Variants in USP34 observed in about 807,000 individuals in gnomAD.
USP34 encodes the protein ubiquitin specific peptidase 34, also known as ubiquitin carboxyl-terminal hydrolase 34.
A neutral mutation model predicts 460.3 loss-of-function variants in USP34; 70 were observed. That is an observed-to-expected ratio of 0.15 (90% CI 0.13 to 0.19). USP34 has a LOEUF of 0.19. Ranked by LOEUF, USP34 falls within the 10% of genes least tolerant of loss-of-function variation. USP34 has a pLI of 1.00. For missense variants in USP34, 3,985 were observed against 4,236.2 expected (o/e 0.94, Z 1.65); for synonymous variants, 1,647 against 1,405.3 (o/e 1.17, Z -3.85).
Position 61,388,455 on chromosome 2 carries a change from T to TA in USP34, c.754-5120_754-5119insT, listed in dbSNP as rs1325133129. Among the ~76,000 whole-genome samples, 825 of 116,288 alleles carry TA rather than the reference T, an allele frequency of 7.1e-3. 7 individuals carry two copies. Among genetic ancestry groups the TA allele is most frequent in the South Asian group, 0.016 (46 of 2,906 alleles). 76.3% of individuals were successfully genotyped at this position (116,288 alleles called of 152,430 possible). ...AGGGGATGTGGGGGTACAGGGGAGT[T>TA]TAAAAAAAAAAAAAAAAAAGATTGG... On this transcript the variant is annotated intron_variant, in intron 5 of 79. Coordinates refer to ENST00000398571, the MANE Select transcript of USP34 (RefSeq NM_014709.4).
intron 75 of USP34, among the ~76,000 whole-genome samples, chr2:61,195,807 C>T (rs991935321): frequency 1.3e-5 from 2 of 152,178 alleles, no homozygotes; most frequent in African/African-American, 2.4e-5. Flanking sequence ...GAACTAGAGG[C>T]TGCTCTGACA....
At chr2:61,387,649 T>A (rs1384590684) in intron 5 of USP34, among the ~76,000 whole-genome samples, 3 of 147,202 alleles carry the variant, frequency 2.0e-5, no homozygotes, top group Non-Finnish European at 4.5e-5. Flanking sequence ...TATATAAAAA[T>A]ATATATTTTA....
At position 61,286,968 on chromosome 2, in the gene USP34, T is replaced by C. The variant is rs9967714; in HGVS notation, c.4749+1709A>G. ...ATGGAAAGGATCACAATTAGAGCAT[T>C]ATTATAACCTGGAAAGTTTATTCTG... On this transcript the variant is annotated intron_variant, in intron 34 of 79. Coordinates refer to ENST00000398571, the MANE Select transcript of USP34 (RefSeq NM_014709.4). Among the ~76,000 whole-genome samples, 838 of 152,290 alleles carry C rather than the reference T, an allele frequency of 5.5e-3. 8 individuals are homozygous for C. The highest frequency in any genetic ancestry group is 0.019 in the African/African-American group (801 of 41,552).
intron 1 of USP34, among the ~76,000 whole-genome samples, chr2:61,469,565 T>G (rs1344653038): frequency 6.6e-6 from 1 of 152,206 alleles, no homozygotes; most frequent in Non-Finnish European, 1.5e-5. Flanking sequence ...ATTATTGTCT[T>G]TGGTCATTAA....
At chr2:61,405,654 C>G (rs1693849895) in intron 3 of USP34, 54 bp downstream of exon 3, 1 of 1,433,190 alleles carries the variant, frequency 7.0e-7, no homozygotes, top group Admixed American at 2.5e-5. Flanking sequence ...AAGAAACAGA[C>G]TGCGAAGTTA....
At chr2:61,319,562 C>A (rs1690851003) in intron 21 of USP34, among the ~76,000 whole-genome samples, 1 of 150,896 alleles carries the variant, frequency 6.6e-6, no homozygotes, top group African/African-American at 2.4e-5. Flanking sequence ...AGAATCACAG[C>A]AGCCAGGTGA....
At chr2:61,257,941 C>A (rs937032790) in intron 44 of USP34, among the ~76,000 whole-genome samples, 2 of 152,132 alleles carry the variant, frequency 1.3e-5, no homozygotes, top group East Asian at 1.9e-4. Flanking sequence ...AATATACAAC[C>A]TTTACAGGCC....
intron 1 of USP34, among the ~76,000 whole-genome samples, chr2:61,451,219 T>TAAA (rs1695264017): frequency 6.0e-5 from 1 of 16,726 alleles, no homozygotes; most frequent in African/African-American, 4.2e-4. Flanking sequence ...AGGCTTCATC[T>TAAA]CAAAAAAAAA....
chr2:61,302,551 C>G (rs1690262371), intron 27 of USP34, among the ~76,000 whole-genome samples: 1 of 152,148 alleles, frequency 6.6e-6, no homozygotes, highest in African/African-American at 2.4e-5. Context: ...ACGTTCAATC[C>G]TATTTTCTTC....
chr2:61,236,190 G>T lies in USP34; in HGVS notation c.6889C>A (p.Pro2297Thr). 1 of 1,611,880 alleles carries T rather than the reference G, an allele frequency of 6.2e-7. No individual in the cohort carries two copies. The highest frequency in any genetic ancestry group is 1.1e-5 in the South Asian group (1 of 90,428). The change falls in exon 55 of 80, where the codon CCT becomes ACT. Residue 2297 changes from proline to threonine, a missense_variant. This residue lies in a region of USP34 where 604 missense variants were observed against 684.8 expected (regional missense o/e 0.88). Coordinates refer to ENST00000398571, the MANE Select transcript of USP34 (RefSeq NM_014709.4). ...GCTGTCATTAAGGACACAGCTTTAG[G>T]ATCTGGTAATGTACTGGGAATACAA... Reference protein sequence around the residue: ...CSCIPSTLPDPKAVSLMTAKL... With the variant: ...CSCIPSTLPDTKAVSLMTAKL...
At chr2:61,413,727 T>TA (rs2103955642) in intron 2 of USP34, among the ~76,000 whole-genome samples, 1 of 144,434 alleles carries the variant, frequency 6.9e-6, no homozygotes, top group East Asian at 2.0e-4. Context: ...CCTGTAATCC[T>TA]AGCACTTTGG....
intron 75 of USP34, chr2:61,194,240 G>A (rs1215630718): frequency 1.0e-6 from 1 of 985,262 alleles, no homozygotes; most frequent in Non-Finnish European, 1.2e-6. Context: ...AGACACAAGA[G>A]GCAAGGAAAT....
In USP34 at chr2:61,266,180, A is replaced by C; in HGVS notation, c.5434-13T>G. The C allele has an allele frequency of 6.2e-7, 1 of 1,600,270 alleles. No individual in the cohort carries two copies. On this transcript the variant is annotated splice_polypyrimidine_tract_variant and intron_variant, in intron 41 of 79. Transcript: ENST00000398571. ...CTCTCAAAAATTCCTGGGGAGTAAA[A>C]GGAAACATGTTATCTAAACTGAGAT...
At chr2:61,259,370 A>G (rs1255942986) in intron 44 of USP34, among the ~76,000 whole-genome samples, 1 of 151,974 alleles carries the variant, frequency 6.6e-6, no homozygotes, top group Non-Finnish European at 1.5e-5. Flanking sequence ...CACAGGGTAC[A>G]CCTAATTTGT....
At chr2:61,373,247 G>A (rs1245341479) in intron 8 of USP34, among the ~76,000 whole-genome samples, 1 of 151,446 alleles carries the variant, frequency 6.6e-6, no homozygotes, top group Non-Finnish European at 1.5e-5. Flanking sequence ...TAGTAAAGGA[G>A]AAATAGAGAA....
intron 44 of USP34, among the ~76,000 whole-genome samples, chr2:61,258,012 C>A (rs985730049): frequency 6.6e-6 from 1 of 152,148 alleles, no homozygotes; most frequent in African/African-American, 2.4e-5. Context: ...TCATTTAAAC[C>A]AGCAATTTTC....
chr2:61,391,403 A>G (rs1274102884), intron 5 of USP34, among the ~76,000 whole-genome samples: 1 of 152,194 alleles, frequency 6.6e-6, no homozygotes, highest in African/African-American at 2.4e-5. Context: ...GAAATGCTAT[A>G]AACATGTTCT....
At chr2:61,465,568 C>A (rs1695735838) in intron 1 of USP34, among the ~76,000 whole-genome samples, 1 of 152,150 alleles carries the variant, frequency 6.6e-6, no homozygotes, top group Admixed American at 6.6e-5. Flanking sequence ...ACTGGCCAGG[C>A]ATGGTAGCTC....
At chr2:61,250,045 C>T (rs746061959) in intron 48 of USP34, among the ~76,000 whole-genome samples, 19 of 151,996 alleles carry the variant, frequency 1.3e-4, no homozygotes, top group Non-Finnish European at 2.2e-4. Flanking sequence ...GCCAGGAGTT[C>T]GAGACCATTC....
Sources: allele counts gnomAD v4.1 joint callset (sites outside exome capture counted in the v4.1 genomes callset), GRCh38; gene constraint gnomAD v4.1.1; regional missense constraint gnomAD v4.1.1; transcripts MANE v1.5; gene names NCBI Gene and HGNC (gene_info 2026-07-23, HGNC 2026-07-21).